CERS6: variants seen among roughly 807,000 people sequenced by gnomAD.
CERS6 encodes ceramide synthase 6, also known as LAG1 homolog, ceramide synthase 6.
A neutral mutation model predicts 56.8 loss-of-function variants in CERS6; 26 were observed. The observed-to-expected ratio is 0.46, with a 90% confidence interval of 0.34 to 0.63. The LOEUF (loss-of-function observed/expected upper bound fraction) is 0.63, where lower values mean the gene tolerates loss of function less well. Ranked by LOEUF, CERS6 falls within the 30% of genes least tolerant of loss-of-function variation. The pLI is 0.01. For synonymous variants in CERS6, 164 were observed against 173.3 expected, an observed-to-expected ratio of 0.95 and a Z score of 0.42; for missense variants, 415 against 467.5, an observed-to-expected ratio of 0.89 and a Z score of 1.04.
At chr2:168,468,267 A>G (rs1693918409) in intron 1 of CERS6, among the ~76,000 whole-genome samples, 1 of 152,186 alleles carries the variant, frequency 6.6e-6, no homozygotes, top group Admixed American at 6.5e-5. Context: ...GCTGCCTTTC[A>G]GTGATATGCA....
chr2:168,588,757 T>G (rs1683605323), intron 3 of CERS6, among the ~76,000 whole-genome samples: 1 of 152,182 alleles, frequency 6.6e-6, no homozygotes, highest in Non-Finnish European at 1.5e-5. Flanking sequence ...TTCTTTTGTT[T>G]GTTTGTTTGT....
intron 3 of CERS6, among the ~76,000 whole-genome samples, chr2:168,613,854 A>G (rs1372810995): frequency 6.6e-6 from 1 of 152,166 alleles, no homozygotes; most frequent in African/African-American, 2.4e-5. Context: ...TTAGTGAAAA[A>G]AGGGCCCTTG....
intron 7 of CERS6, 28 bp from the exon 8 acceptor site, chr2:168,717,844 T>G: frequency 6.5e-7 from 1 of 1,534,462 alleles, no homozygotes; most frequent in Non-Finnish European, 9.0e-7. Context: ...TTAACTACAT[T>G]AATATATCAC....
chr2:168,632,951 A>G (rs1285240644), intron 4 of CERS6, among the ~76,000 whole-genome samples: 3 of 152,290 alleles, frequency 2.0e-5, no homozygotes, highest in East Asian at 3.9e-4. Flanking sequence ...TGTCATCAGA[A>G]CAGGAAACAC....
At chr2:168,725,936 CTG>C in intron 8 of CERS6, among the ~76,000 whole-genome samples, 1 of 152,190 alleles carries the variant, frequency 6.6e-6, no homozygotes, top group Admixed American at 6.5e-5. Context: ...TCATTGTAAG[CTG>C]TTACAATTTT....
At chr2:168,549,322 G>A (rs751112150) in intron 2 of CERS6, among the ~76,000 whole-genome samples, 59 of 152,248 alleles carry the variant, frequency 3.9e-4, no homozygotes, top group Admixed American at 4.6e-4. Context: ...AGATTTTGCA[G>A]CCAGGTTGAC....
chr2:168,607,537 A>G (rs1208934218), intron 3 of CERS6, among the ~76,000 whole-genome samples: 1 of 152,102 alleles, frequency 6.6e-6, no homozygotes, highest in African/African-American at 2.4e-5. Flanking sequence ...ACATGCCACT[A>G]TGCCCGGCTA....
intron 8 of CERS6, among the ~76,000 whole-genome samples, chr2:168,728,201 C>G (rs991661964): frequency 5.3e-5 from 8 of 152,102 alleles, no homozygotes; most frequent in African/African-American, 1.9e-4. Flanking sequence ...GCCCAGAAAG[C>G]CTAAAGTATT....
chr2:168,707,275 A>G (rs949835685), intron 6 of CERS6, among the ~76,000 whole-genome samples: 5 of 152,202 alleles, frequency 3.3e-5, no homozygotes, highest in African/African-American at 2.4e-5. Flanking sequence ...ATTTAGTCCA[A>G]AGGGAGAGAA....
rs538729278 is a variant in CERS6, at chr2:168,500,101, T to C, written c.170+43483T>C. Among the ~76,000 whole-genome samples, 8 of 152,292 alleles carry C rather than the reference T, an allele frequency of 5.3e-5. No individual in the cohort carries two copies. The South Asian group carries it at 1.7e-3, about 32-fold the overall frequency. ...GTATGTTCTTTGATGGACTCATTCA[T>C]AGGAAGTGCCTACAATACTAAATTT... On this transcript the variant is annotated intron_variant, in intron 1 of 9. Coordinates refer to ENST00000305747, the MANE Select transcript of CERS6 (RefSeq NM_203463.3).
intron 8 of CERS6, among the ~76,000 whole-genome samples, chr2:168,726,558 G>C (rs372755489): frequency 6.6e-6 from 1 of 152,286 alleles, no homozygotes; most frequent in Non-Finnish European, 1.5e-5. Flanking sequence ...GGCTAGAAAG[G>C]CTGCTTGTTT....
chr2:168,527,569 A>G (rs530438670), intron 1 of CERS6, among the ~76,000 whole-genome samples: 1 of 152,282 alleles, frequency 6.6e-6, no homozygotes, highest in African/African-American at 2.4e-5. Flanking sequence ...AAGATCAGGC[A>G]GTGGCGGGTG....
At chr2:168,746,142 C>T (rs1684090199) in intron 8 of CERS6, among the ~76,000 whole-genome samples, 1 of 152,148 alleles carries the variant, frequency 6.6e-6, no homozygotes. Flanking sequence ...GAGCTATGTG[C>T]CCAGAGAAAG....
intron 4 of CERS6, among the ~76,000 whole-genome samples, chr2:168,659,615 C>T (rs993014293): frequency 1.6e-4 from 25 of 152,126 alleles, no homozygotes; most frequent in Non-Finnish European, 3.1e-4. Flanking sequence ...GTTAACACTC[C>T]ACATATATGT....
chr2:168,655,421 C>G (rs975525556), intron 4 of CERS6, among the ~76,000 whole-genome samples: 3 of 152,308 alleles, frequency 2.0e-5, no homozygotes, highest in Non-Finnish European at 4.4e-5. Context: ...ATAAAGATAC[C>G]TGCACTCCCA....
intron 4 of CERS6, among the ~76,000 whole-genome samples, chr2:168,669,330 G>A (rs1211732564): frequency 1.3e-5 from 2 of 152,198 alleles, no homozygotes; most frequent in African/African-American, 4.8e-5. Flanking sequence ...GTCATCTCTT[G>A]TTAAACAGCC....
chr2:168,503,441 G>C (rs1209016622), intron 1 of CERS6, among the ~76,000 whole-genome samples: 1 of 152,192 alleles, frequency 6.6e-6, no homozygotes, highest in Non-Finnish European at 1.5e-5. Context: ...GAGAAGAAAA[G>C]TATCTCCTAG....
chr2:168,623,931 C>T (rs1684531641), intron 3 of CERS6, among the ~76,000 whole-genome samples: 1 of 152,120 alleles, frequency 6.6e-6, no homozygotes, highest in Admixed American at 6.5e-5. Flanking sequence ...TTTACAATTC[C>T]ATGGGTCTTC....
At chr2:168,465,453 G>A (rs1354906642) in intron 1 of CERS6, among the ~76,000 whole-genome samples, 1 of 152,068 alleles carries the variant, frequency 6.6e-6, no homozygotes, top group Non-Finnish European at 1.5e-5. Context: ...CCTCCCACAG[G>A]CCCCACCTCC....
Sources: gnomAD v4.1 joint callset for allele counts (sites outside exome capture counted in the v4.1 genomes callset) on GRCh38, gnomAD v4.1.1 for gene constraint, MANE v1.5 for transcripts, NCBI Gene and HGNC (gene_info 2026-07-23, HGNC 2026-07-21) for gene names.